ZNF385D: variants seen among roughly 807,000 people sequenced by gnomAD.
ZNF385D encodes the protein zinc finger protein 385D, also known as zinc finger protein 659.
Under a neutral mutation model 35.8 loss-of-function variants are expected in ZNF385D, and 15 were observed. That is an observed-to-expected ratio of 0.42 (90% CI 0.28 to 0.64). ZNF385D has a LOEUF of 0.64. ZNF385D is among the 30% of genes least tolerant of loss of function. The probability of loss-of-function intolerance (pLI) is 0.23; values close to 1 mark genes in which losing one functional copy is unlikely to be tolerated. For missense variants in ZNF385D, 474 were observed against 494.6 expected (o/e 0.96, Z 0.39); for synonymous variants, 212 against 186.8 (o/e 1.13, Z -1.10).
chr3:22,142,709 G>A (rs181050503), intron 3 of ZNF385D, among the ~76,000 whole-genome samples: 3 of 151,964 alleles, frequency 2.0e-5, no homozygotes, highest in Non-Finnish European at 2.9e-5. Flanking sequence ...CAGGAAAGAC[G>A]AATGAGATCA....
chr3:21,911,182 G>A (rs935352990), intron 3 of ZNF385D, among the ~76,000 whole-genome samples: 2 of 151,806 alleles, frequency 1.3e-5, no homozygotes, highest in South Asian at 2.1e-4. Context: ...AAATACTTGG[G>A]TAATTACAAA....
upstream of ZNF385D, among the ~76,000 whole-genome samples, chr3:21,755,684 C>CCCAAATGAAAT (rs1162802143): frequency 2.1e-4 from 32 of 152,140 alleles, no homozygotes; most frequent in Non-Finnish European, 3.8e-4. Context: ...TTGTATGTAA[C>CCCAAATGAAAT]CCAAATGAAA....
chr3:22,347,071 C>G (rs936017154), intron 2 of ZNF385D, among the ~76,000 whole-genome samples: 1 of 151,970 alleles, frequency 6.6e-6, no homozygotes, highest in East Asian at 1.9e-4. Context: ...ATGTAAGACA[C>G]TGCAAAAATG....
chr3:22,120,780 AAT>A (rs1172821391), intron 3 of ZNF385D, among the ~76,000 whole-genome samples: 2 of 152,190 alleles, frequency 1.3e-5, no homozygotes, highest in African/African-American at 2.4e-5. Flanking sequence ...ACAAGCTTTA[AAT>A]ATGTTTTCCT....
chr3:21,595,002 T>C lies in ZNF385D; in HGVS notation c.166-30318A>G, dbSNP rs187117791. Among the ~76,000 whole-genome samples the C allele has an allele frequency of 1.3e-3, 199 of 152,334 alleles. 1 individual carries two copies. Among genetic ancestry groups the C allele is most frequent in the African/African-American group, 4.5e-3 (189 of 41,576 alleles). Reference sequence around the variant, plus strand: ...TAGTTAATTAAATGCTCTTTTTTCTTTTTATAACCAGCATTAACGAGTTGT... The same window carrying C: ...TAGTTAATTAAATGCTCTTTTTTCTCTTTATAACCAGCATTAACGAGTTGT... On this transcript the variant is annotated intron_variant, in intron 2 of 7. Coordinates refer to ENST00000281523, the MANE Select transcript of ZNF385D (RefSeq NM_024697.3).
chr3:21,622,767 T>C (rs1031714996), intron 2 of ZNF385D, among the ~76,000 whole-genome samples: 10 of 152,118 alleles, frequency 6.6e-5, no homozygotes, highest in Admixed American at 5.2e-4. Context: ...ATCAATTTAT[T>C]TGATCATGGC....
chr3:21,940,217 T>G (rs891676558), intron 3 of ZNF385D, among the ~76,000 whole-genome samples: 1 of 152,098 alleles, frequency 6.6e-6, no homozygotes, highest in African/African-American at 2.4e-5. Flanking sequence ...TGAAAAAAAT[T>G]TTAAGTGTAA....
intron 2 of ZNF385D, among the ~76,000 whole-genome samples, chr3:21,648,524 G>A (rs770600056): frequency 3.9e-5 from 6 of 152,172 alleles, no homozygotes; most frequent in Non-Finnish European, 7.4e-5. Context: ...CACAAATCAA[G>A]AGGGGAAGAA....
At chr3:21,812,357 T>G (rs1485245078) in intron 3 of ZNF385D, among the ~76,000 whole-genome samples, 1 of 152,200 alleles carries the variant, frequency 6.6e-6, no homozygotes, top group Admixed American at 6.5e-5. Context: ...TGTTGGACAG[T>G]GGGGGCAGCC....
At chr3:22,175,024 G>C (rs2125768883) in intron 2 of ZNF385D, among the ~76,000 whole-genome samples, 1 of 152,048 alleles carries the variant, frequency 6.6e-6, no homozygotes, top group East Asian at 1.9e-4. Flanking sequence ...CTTATAAAGA[G>C]TTCTTAAAAT....
intron 3 of ZNF385D, among the ~76,000 whole-genome samples, chr3:21,760,128 C>T (rs1425518807): frequency 1.3e-5 from 2 of 152,136 alleles, no homozygotes; most frequent in African/African-American, 4.8e-5. Context: ...CTTTGCTATG[C>T]TCAAACATAC....
chr3:22,200,074 G>A (rs897592850), intron 2 of ZNF385D, among the ~76,000 whole-genome samples: 1 of 151,996 alleles, frequency 6.6e-6, no homozygotes, highest in Non-Finnish European at 1.5e-5. Flanking sequence ...ACAAGTAAAA[G>A]CTGTCAAAGA....
intron 2 of ZNF385D, among the ~76,000 whole-genome samples, chr3:22,278,834 G>A (rs960124613): frequency 6.6e-6 from 1 of 152,046 alleles, no homozygotes; most frequent in Non-Finnish European, 1.5e-5. Flanking sequence ...TATCTTGTGG[G>A]GTCTGGGTTT....
chr3:21,976,472 G>A lies in ZNF385D; in HGVS notation c.325+192345C>T, dbSNP rs117595617. ...AAAATTGATAGCATGATAGAGGGAC[G>A]CAGCTGAAGATAAATGATCTGGAAG... is the stretch of plus-strand genomic sequence containing the variant. On this transcript the variant is annotated intron_variant, in intron 3 of 5. Transcript: ENST00000494108. Among the ~76,000 whole-genome samples the A allele has an allele frequency of 6.3e-4, 96 of 152,078 alleles. 2 individuals are homozygous for A. Among genetic ancestry groups the A allele is most frequent in the Middle Eastern group, 3.4e-3 (1 of 294 alleles).
At chr3:21,765,217 TGAGAGA>T (rs562978427) in intron 3 of ZNF385D, among the ~76,000 whole-genome samples, 13 of 149,576 alleles carry the variant, frequency 8.7e-5, no homozygotes, top group African/African-American at 3.2e-4. Flanking sequence ...TGTGTGTGTG[TGAGAGA>T]GAGAGAGAGA....
chr3:21,927,461 G>A (rs149419632), intron 3 of ZNF385D, among the ~76,000 whole-genome samples: 67 of 152,244 alleles, frequency 4.4e-4, no homozygotes, highest in African/African-American at 1.6e-3. Context: ...CAACTCGTAT[G>A]TTCTTCAACT....
chr3:22,108,564 G>T (rs983177757), intron 3 of ZNF385D, among the ~76,000 whole-genome samples: 2 of 152,132 alleles, frequency 1.3e-5, no homozygotes, highest in African/African-American at 4.8e-5. Flanking sequence ...TTTACATCTG[G>T]ATAAATCAGT....
intron 2 of ZNF385D, among the ~76,000 whole-genome samples, chr3:22,288,718 T>G (rs9848878): frequency 0.074 from 11,326 of 152,162 alleles, 747 homozygotes; most frequent in African/African-American, 0.18. Flanking sequence ...CATATCCTTA[T>G]TTTTAGCATC....
chr3:22,017,123 T>A (rs1292014178), intron 3 of ZNF385D, among the ~76,000 whole-genome samples: 2 of 152,204 alleles, frequency 1.3e-5, no homozygotes, highest in East Asian at 3.9e-4. Context: ...TTTATATAGG[T>A]TAACATTTTG....
Sources: allele counts gnomAD v4.1 joint callset (sites outside exome capture counted in the v4.1 genomes callset), GRCh38; gene constraint gnomAD v4.1.1; transcripts MANE v1.5; gene names NCBI Gene and HGNC (gene_info 2026-07-23, HGNC 2026-07-21).